Variants in KDM4A observed in about 807,000 individuals in gnomAD.
KDM4A encodes lysine demethylase 4A.
Under a neutral mutation model 127.1 loss-of-function variants are expected in KDM4A, and 23 were observed. That is an observed-to-expected ratio of 0.18 (90% CI 0.13 to 0.26). The LOEUF (loss-of-function observed/expected upper bound fraction) is 0.26, where lower values mean the gene tolerates loss of function less well. Among genes scored for constraint, KDM4A ranks in the 10% least tolerant of loss-of-function variants. KDM4A has a pLI of 1.00. For missense variants in KDM4A, 890 were observed against 1,329.1 expected, an observed-to-expected ratio of 0.67 and a Z score of 5.14; for synonymous variants, 443 against 466.5, an observed-to-expected ratio of 0.95 and a Z score of 0.65.
intron 11 of KDM4A, among the ~76,000 whole-genome samples, chr1:43,681,514 A>G (rs183251863): frequency 6.6e-6 from 1 of 152,242 alleles, no homozygotes; most frequent in Admixed American, 6.5e-5. Context: ...CATGTTGTGT[A>G]CCCTACACAG....
At chr1:43,674,051 C>A (rs996271178) in intron 11 of KDM4A, among the ~76,000 whole-genome samples, 1 of 152,174 alleles carries the variant, frequency 6.6e-6, no homozygotes, top group Non-Finnish European at 1.5e-5. Flanking sequence ...AACCCATCCT[C>A]CCCACCTCAG....
chr1:43,703,809 C>T (rs956496062), intron 20 of KDM4A, 73 bp downstream of exon 20: 12 of 1,584,358 alleles, frequency 7.6e-6, no homozygotes, highest in Middle Eastern at 1.7e-4. Flanking sequence ...GGGCCAGAGG[C>T]GAGTCTTTGC....
At chr1:43,700,569 C>T (rs1481818293) in intron 19 of KDM4A, among the ~76,000 whole-genome samples, 1 of 152,126 alleles carries the variant, frequency 6.6e-6, no homozygotes, top group Non-Finnish European at 1.5e-5. Flanking sequence ...AAGCACCTCC[C>T]GAGTAGCTGG....
Position 43,660,300 on chromosome 1 carries a change from A to C in KDM4A, c.317A>C (p.Tyr106Ser), listed in dbSNP as rs1394888951. 6.2e-7 allele frequency: 1 copy of C among 1,613,982 alleles called. No individual in the cohort carries two copies. Among genetic ancestry groups the C allele is most frequent in the Non-Finnish European group, 8.5e-7 (1 of 1,179,962 alleles). Reference protein sequence around the residue: ...EFRKIANSDKYCTPRYSEFEE... With the variant: ...EFRKIANSDKSCTPRYSEFEE... ...TGTTTCTTTTTACTTTCAAAAAGGT[A>C]CTGTACCCCACGCTATAGTGAGTTT... The change falls in exon 4 of 22, where the codon TAC (tyrosine) becomes TCC (serine). Residue 106 changes from tyrosine (Y) to serine (S), a missense_variant and splice_region_variant. Tyr to Ser is a moderately radical substitution (Grantham distance 144, BLOSUM62 -2). Coordinates refer to ENST00000372396, the MANE Select transcript of KDM4A (RefSeq NM_014663.3).
At chr1:43,701,672 A>C (rs1421990687) in intron 19 of KDM4A, among the ~76,000 whole-genome samples, 2 of 152,082 alleles carry the variant, frequency 1.3e-5, no homozygotes, top group Non-Finnish European at 1.5e-5. Flanking sequence ...TGTTTTGTAG[A>C]GATGGGGTCT....
chr1:43,684,666 C>T (rs1660930830), intron 12 of KDM4A, among the ~76,000 whole-genome samples: 1 of 152,070 alleles, frequency 6.6e-6, no homozygotes, highest in Non-Finnish European at 1.5e-5. Context: ...GGGACCAGAT[C>T]CTGGATAGCG....
At chr1:43,685,956 T>C (rs1241102105) in intron 12 of KDM4A, among the ~76,000 whole-genome samples, 2 of 152,080 alleles carry the variant, frequency 1.3e-5, no homozygotes, top group African/African-American at 2.4e-5. Context: ...TAAAGCAATA[T>C]AGACTTCAGG....
At chr1:43,665,373 TTTC>T (rs1349123667) in intron 5 of KDM4A, among the ~76,000 whole-genome samples, 2 of 152,188 alleles carry the variant, frequency 1.3e-5, no homozygotes, top group Non-Finnish European at 2.9e-5. Context: ...CTTCTTTTTT[TTTC>T]TTTTAAAAAA....
intron 2 of KDM4A, 127 bp from the exon 3 acceptor site, chr1:43,655,464 G>C (rs1215769629): frequency 1.3e-6 from 1 of 790,402 alleles, no homozygotes; most frequent in African/African-American, 1.7e-5. Context: ...TTTGGTGAAT[G>C]TGGGTAAATC....
intron 11 of KDM4A, among the ~76,000 whole-genome samples, chr1:43,678,061 G>A (rs1297352516): frequency 1.3e-5 from 2 of 152,086 alleles, no homozygotes; most frequent in Non-Finnish European, 2.9e-5. Flanking sequence ...GGCTTGACTC[G>A]GGTTTCCAGC....
Position 43,704,769 on chromosome 1 carries a change from A to ATGTG in KDM4A, c.*412_*415dup, listed in dbSNP as rs141211144. 55 of 227,038 alleles carry ATGTG rather than the reference A, an allele frequency of 2.4e-4. No homozygotes were observed. The highest frequency in any genetic ancestry group is 1.6e-3 in the Middle Eastern group (1 of 634). The allele number at this position is 227,038 out of a possible 1,614,324, so 14.1% of individuals were successfully genotyped here. A position where few individuals can be genotyped will look rare whatever the true frequency, so the allele number is the denominator to read the frequency against. On this transcript the variant is annotated 3_prime_UTR_variant, in exon 22 of 22. Coordinates refer to ENST00000372396, the MANE Select transcript of KDM4A (RefSeq NM_014663.3). ...CCCCAACCCCTACTTTTGTATTTAT[A>ATGTG]TGTGTGTGTGTGTGTGCGTGCGTGC... is the stretch of plus-strand genomic sequence containing the variant.
At position 43,667,887 on chromosome 1, in the gene KDM4A, C is replaced by T. The variant is rs778278176; in HGVS notation, c.1031C>T (p.Thr344Ile). The T allele has an allele frequency of 2.2e-5, 36 of 1,614,060 alleles. No individual in the cohort carries two copies. Among genetic ancestry groups the T allele is most frequent in the Non-Finnish European group, 2.9e-5 (34 of 1,180,042 alleles). The change falls in exon 9 of 22, where the codon ACT becomes ATT. Residue 344 changes from threonine to isoleucine, a missense_variant. By Grantham distance (89) the Thr-to-Ile change is moderately conservative. Coordinates refer to ENST00000372396, the MANE Select transcript of KDM4A (RefSeq NM_014663.3). Reference sequence around the variant, plus strand: ...AAGGACAACACAGTTATTGACCATACTCTGCCCACGCCAGAAGCAGCTGAG... The same window carrying T: ...AAGGACAACACAGTTATTGACCATATTCTGCCCACGCCAGAAGCAGCTGAG... ...AGKDNTVIDH[T>I]LPTPEAAEFL...
chr1:43,683,623 G>A, intron 11 of KDM4A, 61 bp from the exon 12 acceptor site: 1 of 1,558,984 alleles, frequency 6.4e-7, no homozygotes, highest in Non-Finnish European at 8.7e-7. Flanking sequence ...CATTGTAAGG[G>A]TGACTTGTGC....
intron 11 of KDM4A, among the ~76,000 whole-genome samples, chr1:43,675,960 C>A (rs1017412933): frequency 1.3e-5 from 2 of 151,840 alleles, no homozygotes; most frequent in Non-Finnish European, 2.9e-5. Flanking sequence ...ATAATCCCAG[C>A]TGCTTGGGAG....
intron 11 of KDM4A, among the ~76,000 whole-genome samples, chr1:43,677,852 T>C (rs1314932201): frequency 6.6e-6 from 1 of 152,232 alleles, no homozygotes; most frequent in Non-Finnish European, 1.5e-5. Flanking sequence ...TAAATACTTC[T>C]ACTTCAGGAA....
chr1:43,667,263 G>A (rs1228930420), intron 8 of KDM4A, among the ~76,000 whole-genome samples, 172 bp downstream of exon 8: 2 of 152,190 alleles, frequency 1.3e-5, no homozygotes, highest in East Asian at 3.8e-4. Flanking sequence ...TTTTAAAAAT[G>A]TGTTCAGAAT....
chr1:43,681,173 G>C (rs1660849387), intron 11 of KDM4A, among the ~76,000 whole-genome samples: 1 of 152,106 alleles, frequency 6.6e-6, no homozygotes, highest in Admixed American at 6.6e-5. Context: ...CCCCGTTGCT[G>C]AGTGAGTCCC....
At chr1:43,662,022 T>A (rs566352372) in intron 4 of KDM4A, among the ~76,000 whole-genome samples, 61 of 152,160 alleles carry the variant, frequency 4.0e-4, no homozygotes, top group Non-Finnish European at 7.9e-4. Flanking sequence ...CCCTCCCAAG[T>A]AGCTGAGACT....
Position 43,694,758 on chromosome 1 carries a change from T to C in KDM4A, c.2534T>C (p.Val845Ala), listed in dbSNP as rs751935212. ...KRRKRTAGCC[V>A]QCSHGRCPTA... ...AGGAAAAGAACTGCTGGCTGCTGTG[T>C]GCAGTGTTCTCACGGCCGCTGCCCA... The change falls in exon 18 of 22, where the codon GTG (valine) becomes GCG (alanine). Residue 845 changes from valine (V) to alanine (A), a missense_variant. Coordinates refer to ENST00000372396, the MANE Select transcript of KDM4A (RefSeq NM_014663.3). This position sits in a 1 kb window ranked among gnomAD's most constrained non-coding sequence, Gnocchi z 5.2. 4 of 1,613,954 alleles carry C rather than the reference T, an allele frequency of 2.5e-6. No individual in the cohort carries two copies. Among genetic ancestry groups the C allele is most frequent in the Non-Finnish European group, 3.4e-6 (4 of 1,179,948 alleles).
Sources: allele counts gnomAD v4.1 joint callset (sites outside exome capture counted in the v4.1 genomes callset), GRCh38; gene constraint gnomAD v4.1.1; non-coding constraint Gnocchi (gnomAD v3.1); transcripts MANE v1.5; gene names NCBI Gene and HGNC (gene_info 2026-07-23, HGNC 2026-07-21).